The following TBC1D14 variants were observed in gnomAD, a reference collection of about 807,000 sequenced individuals.
TBC1D14 encodes TBC1 domain family member 14.
TBC1D14 carries 26 observed loss-of-function variants against 79.0 expected under a neutral mutation model. The observed-to-expected ratio is 0.33, with a 90% CI of 0.24 to 0.46. TBC1D14 has a LOEUF of 0.46. Among genes scored for constraint, TBC1D14 ranks in the 20% least tolerant of loss-of-function variants. The probability of loss-of-function intolerance (pLI) is 1.00; values close to 1 mark genes in which losing one functional copy is unlikely to be tolerated. For missense variants in TBC1D14, 769 were observed against 887.6 expected, an observed-to-expected ratio of 0.87 and a Z score of 1.70; for synonymous variants, 394 against 349.9, an observed-to-expected ratio of 1.13 and a Z score of -1.40.
chr4:7,022,441 A>G (rs1285998238), intron 12 of TBC1D14, among the ~76,000 whole-genome samples: 1 of 152,220 alleles, frequency 6.6e-6, no homozygotes, highest in Non-Finnish European at 1.5e-5. Flanking sequence ...GGCCTCATGA[A>G]GGAGGGTGCG....
chr4:6,911,443 C>T (rs1220064176), intron 1 of TBC1D14, among the ~76,000 whole-genome samples: 6 of 152,214 alleles, frequency 3.9e-5, no homozygotes, highest in Admixed American at 1.3e-4. Context: ...CGGTATCCTC[C>T]GCTGTTCCAG....
At chr4:6,936,223 G>T (rs1445609246) in intron 2 of TBC1D14, among the ~76,000 whole-genome samples, 2 of 152,144 alleles carry the variant, frequency 1.3e-5, no homozygotes, top group African/African-American at 4.8e-5. Flanking sequence ...CTGTGGGTTT[G>T]GACAGGTGTA....
intron 11 of TBC1D14, among the ~76,000 whole-genome samples, chr4:7,013,829 C>T (rs1453803782): frequency 3.3e-5 from 5 of 152,050 alleles, no homozygotes; most frequent in South Asian, 2.1e-4. Flanking sequence ...CTGCAAGCTC[C>T]GCCTCCCGGG....
intron 3 of TBC1D14, among the ~76,000 whole-genome samples, chr4:6,987,006 G>A (rs964167936): frequency 6.6e-6 from 1 of 152,236 alleles, no homozygotes; most frequent in Non-Finnish European, 1.5e-5. Context: ...TAAGGCAGAA[G>A]CTGGCTCTCC....
chr4:6,943,241 G>A (rs1713085013), intron 2 of TBC1D14, among the ~76,000 whole-genome samples: 2 of 152,184 alleles, frequency 1.3e-5, no homozygotes, highest in African/African-American at 4.8e-5. Flanking sequence ...TACCTGTGAG[G>A]GAAGCCAGGA....
In TBC1D14 at chr4:7,025,196, C is replaced by G; in HGVS notation, c.1950C>G (p.Pro650=). 6.2e-7 allele frequency: 1 copy of G among 1,614,196 alleles called. No individual in the cohort carries two copies. Among genetic ancestry groups the G allele is most frequent in the South Asian group, 1.1e-5 (1 of 91,086 alleles). The change falls in exon 13 of 14, where the codon CCC becomes CCG. Residue 650 remains proline, a synonymous_variant. Coordinates refer to ENST00000409757, the MANE Select transcript of TBC1D14 (RefSeq NM_020773.3). ...TGACCCGGCTGCCCGAGGACCTGCC[C>G]GCCGAGGAGCTGTTTGCCTCCATCG... ...QFLTRLPEDL[P]AEELFASIAT...
At chr4:6,917,060 A>C (rs1392003009) in intron 1 of TBC1D14, among the ~76,000 whole-genome samples, 1 of 152,214 alleles carries the variant, frequency 6.6e-6, no homozygotes, top group Non-Finnish European at 1.5e-5. Flanking sequence ...TAGGCTGGTC[A>C]CTGCTCAGCT....
chr4:6,949,950 G>A (rs1032852428), intron 2 of TBC1D14, among the ~76,000 whole-genome samples: 1 of 151,920 alleles, frequency 6.6e-6, no homozygotes, highest in Non-Finnish European at 1.5e-5. Flanking sequence ...GAACATGCAG[G>A]TTTGTTACAT....
At chr4:6,958,889 A>AT (rs11392314) in intron 2 of TBC1D14, among the ~76,000 whole-genome samples, 111,876 of 147,938 alleles carry the variant, frequency 0.76, 43,039 homozygotes, top group East Asian at 0.97. Context: ...GGATGGTAGC[A>AT]TTTTTTTTTT....
chr4:6,977,905 A>T (rs1180201154), intron 3 of TBC1D14, among the ~76,000 whole-genome samples: 3 of 148,106 alleles, frequency 2.0e-5, no homozygotes, highest in Non-Finnish European at 3.0e-5. Context: ...CCCGTCTGGG[A>T]TGTGAGGAGC....
chr4:6,948,527 C>T (rs1220442642), intron 2 of TBC1D14, among the ~76,000 whole-genome samples: 7 of 152,100 alleles, frequency 4.6e-5, no homozygotes, highest in Non-Finnish European at 1.0e-4. Context: ...AAATAATGCC[C>T]ACCATGGTGT....
chr4:7,020,588 T>C (rs10025310), intron 12 of TBC1D14, among the ~76,000 whole-genome samples: 135,173 of 152,242 alleles, frequency 0.89, 60,249 homozygotes, highest in East Asian at 0.98. Flanking sequence ...AGGTCCAAGT[T>C]GCTGGTTTTG....
chr4:6,972,385 G>C (rs1178470912), intron 3 of TBC1D14, among the ~76,000 whole-genome samples: 1 of 152,222 alleles, frequency 6.6e-6, no homozygotes, highest in Non-Finnish European at 1.5e-5. Flanking sequence ...GCAAGCGTCT[G>C]TTCTCAGCCC....
chr4:6,936,974 A>G (rs1369655007), intron 2 of TBC1D14, among the ~76,000 whole-genome samples: 1 of 152,040 alleles, frequency 6.6e-6, no homozygotes, highest in Non-Finnish European at 1.5e-5. Flanking sequence ...CAAGAGTGCA[A>G]TGGCACGATC....
intron 3 of TBC1D14, chr4:6,987,410 CCTGT>C: frequency 7.6e-7 from 1 of 1,317,656 alleles, no homozygotes; most frequent in South Asian, 1.9e-5. Flanking sequence ...GTCCCGTGGG[CCTGT>C]CCTGTCCTGG....
intron 4 of TBC1D14, 141 bp from the exon 5 acceptor site, chr4:6,996,184 G>A: frequency 4.6e-6 from 3 of 655,206 alleles, no homozygotes; most frequent in Non-Finnish European, 8.1e-6. Flanking sequence ...ATAAAAGTTT[G>A]TGAAAGAACT....
intron 2 of TBC1D14, among the ~76,000 whole-genome samples, chr4:6,956,901 C>T (rs981181760): frequency 1.3e-5 from 2 of 152,210 alleles, no homozygotes; most frequent in Non-Finnish European, 2.9e-5. Flanking sequence ...AAAGGTGGCC[C>T]CGGGAGTGGG....
chr4:6,972,595 T>G (rs1481861751), intron 3 of TBC1D14, among the ~76,000 whole-genome samples: 1 of 152,210 alleles, frequency 6.6e-6, no homozygotes, highest in Non-Finnish European at 1.5e-5. Context: ...CCAACCCGCC[T>G]TAGTTTTTTG....
chr4:7,018,038 A>G (rs1721449999), intron 12 of TBC1D14, among the ~76,000 whole-genome samples: 1 of 152,148 alleles, frequency 6.6e-6, no homozygotes, highest in Non-Finnish European at 1.5e-5. Context: ...AGTGTTCAGG[A>G]GCAGGTGTAC....
Sources: allele counts gnomAD v4.1 joint callset (sites outside exome capture counted in the v4.1 genomes callset), GRCh38; gene constraint gnomAD v4.1.1; transcripts MANE v1.5; gene names NCBI Gene and HGNC (gene_info 2026-07-23, HGNC 2026-07-21).